UBE2W: variants seen among roughly 807,000 people sequenced by gnomAD.
UBE2W encodes the protein ubiquitin-conjugating enzyme E2 W.
UBE2W carries 18 observed loss-of-function variants against 27.2 expected under a neutral mutation model. The observed-to-expected ratio is 0.66, with a 90% CI of 0.46 to 0.98. The LOEUF (loss-of-function observed/expected upper bound fraction) is 0.98, where lower values mean the gene tolerates loss of function less well. Among genes scored for constraint, UBE2W ranks in the 50% least tolerant of loss-of-function variants. UBE2W has a pLI of 0.00. For missense variants in UBE2W, 90 were observed against 180.2 expected, an observed-to-expected ratio of 0.50 and a Z score of 2.87; for synonymous variants, 53 against 57.2, an observed-to-expected ratio of 0.93 and a Z score of 0.33.
rs368357928 is a variant in UBE2W at position 73,792,603 on chromosome 8, C to A, written c.*1499G>T. Reference sequence around the variant, plus strand: ...TTTCAGTTTTAAGCCCAAATTGATTCATATATTCACTGCAGGATATTTCAA... The same window carrying A: ...TTTCAGTTTTAAGCCCAAATTGATTAATATATTCACTGCAGGATATTTCAA... On this transcript the variant is annotated 3_prime_UTR_variant, in exon 6 of 6. Coordinates refer to ENST00000602593, the MANE Select transcript of UBE2W (RefSeq NM_018299.6). The A allele has an allele frequency of 1.0e-6, 1 of 985,634 alleles. No homozygotes were observed. Among genetic ancestry groups the A allele is most frequent in the South Asian group, 4.7e-5 (1 of 21,288 alleles). 61.1% of individuals were successfully genotyped at this position (985,634 alleles called of 1,614,324 possible).
intron 5 of UBE2W, chr8:73,795,728 AAAAT>A: frequency 1.1e-6 from 1 of 922,140 alleles, no homozygotes; most frequent in Non-Finnish European, 1.3e-6. Context: ...TAGACGCCTT[AAAAT>A]AAATAAGAAT....
chr8:73,823,847 A>G lies in UBE2W; in HGVS notation c.210+1300T>C, dbSNP rs140222257. Among the ~76,000 whole-genome samples the G allele has an allele frequency of 2.0e-5, 3 of 152,346 alleles. No individual in the cohort carries two copies. The East Asian group carries it at 5.8e-4, about 29-fold the overall frequency. ...ATTATCTCTTTACTTATAGCATGAT[A>G]CAATAACTGACTTTATCTCTTCTCT... On this transcript the variant is annotated intron_variant, in intron 3 of 5. Coordinates refer to ENST00000602593, the MANE Select transcript of UBE2W (RefSeq NM_018299.6).
intron 3 of UBE2W, among the ~76,000 whole-genome samples, chr8:73,817,670 A>C (rs1198897779): frequency 6.6e-6 from 1 of 152,116 alleles, no homozygotes; most frequent in Non-Finnish European, 1.5e-5. Flanking sequence ...GGTGCACACC[A>C]CCATGCCCAG....
chr8:73,792,868 A>C lies in UBE2W; in HGVS notation c.*1234T>G. On this transcript the variant is annotated 3_prime_UTR_variant, in exon 6 of 6. Transcript: ENST00000602593. ...AACAACAAAACAAAACCCTCCAGGA[A>C]AAACTATATGGCTGTGTGAGACAAA... 1 of 985,722 alleles carries C rather than the reference A, an allele frequency of 1.0e-6. No homozygotes were observed. The allele number at this position is 985,722 out of a possible 1,614,324, so 61.1% of individuals were successfully genotyped here.
intron 1 of UBE2W, among the ~76,000 whole-genome samples, chr8:73,839,282 A>G (rs1221484101): frequency 6.6e-6 from 1 of 151,706 alleles, no homozygotes; most frequent in Admixed American, 6.6e-5. Context: ...GAATACTACT[A>G]CATCAAATGA....
downstream of UBE2W, among the ~76,000 whole-genome samples, chr8:73,782,815 G>C (rs551444000): frequency 9.2e-5 from 14 of 152,262 alleles, no homozygotes; most frequent in African/African-American, 3.1e-4. Context: ...TTGTATAGTA[G>C]GTATGTGCAT....
rs1200110879 is a variant in UBE2W, at chr8:73,834,865, C to T, written c.16-4393G>A. On this transcript the variant is annotated intron_variant, in intron 1 of 5. Transcript: ENST00000602593. ...CGGAGGTTGCAGTGAGCCTAGATCA[C>T]GCGAATGCACTGCAGCCTGGGCTAT... Among the ~76,000 whole-genome samples the T allele has an allele frequency of 2.6e-5, 4 of 152,042 alleles. No individual in the cohort carries two copies. The East Asian group carries it at 7.7e-4, about 29-fold the overall frequency.
intron 2 of UBE2W, among the ~76,000 whole-genome samples, chr8:73,827,290 C>T (rs954655906): frequency 7.9e-5 from 12 of 151,814 alleles, no homozygotes; most frequent in African/African-American, 2.4e-4. Flanking sequence ...CTCGGCTCAC[C>T]GCAACCTCCG....
chr8:73,868,586 C>T (rs753746152), intron 1 of UBE2W, among the ~76,000 whole-genome samples: 7 of 151,868 alleles, frequency 4.6e-5, no homozygotes, highest in Non-Finnish European at 8.8e-5. Context: ...TGGGAACCTA[C>T]AACTTGTGAC....
rs59095956 is a variant in UBE2W at position 73,858,979 on chromosome 8, C to CGTGTGTGT, written c.15+19821_15+19828dup. On this transcript the variant is annotated intron_variant, in intron 1 of 5. Coordinates refer to ENST00000602593, the MANE Select transcript of UBE2W (RefSeq NM_018299.6). ...TTTCTTCAAGCACAGGGGGTTTTTG[C>CGTGTGTGT]GTGTGTGTGTGTGTGTGTGTGTGTG... Among the ~76,000 whole-genome samples the CGTGTGTGT allele has an allele frequency of 5.8e-4, 73 of 126,022 alleles. 1 individual carries two copies. Among genetic ancestry groups the CGTGTGTGT allele is most frequent in the African/African-American group, 1.5e-3 (49 of 33,672 alleles). The allele number at this position is 126,022 out of a possible 152,430, so 82.7% of individuals were successfully genotyped here.
rs1394585873 is a variant in UBE2W at position 73,793,212 on chromosome 8, G to T, written c.*890C>A. 2.0e-6 allele frequency: 2 copies of T among 985,720 alleles called. No homozygotes were observed. Among genetic ancestry groups the T allele is most frequent in the African/African-American group, 1.7e-5 (1 of 57,240 alleles). The allele number at this position is 985,720 out of a possible 1,614,324, so 61.1% of individuals were successfully genotyped here. A position where few individuals can be genotyped will look rare whatever the true frequency, so the allele number is the denominator to read the frequency against. On this transcript the variant is annotated 3_prime_UTR_variant, in exon 6 of 6. Transcript: ENST00000602593. ...GGCTCATGCTGATGGCTAGCAGGAA[G>T]TTAACAGAGTGTAACTTACTTGGAA...
At chr8:73,832,075 A>C (rs1054466148) in intron 1 of UBE2W, 4 of 151,068 alleles carry the variant, frequency 2.6e-5, no homozygotes, top group African/African-American at 9.8e-5. Flanking sequence ...GTTTGAGACC[A>C]GCTTGGGTAA....
At chr8:73,865,024 A>G (rs1156541314) in intron 1 of UBE2W, among the ~76,000 whole-genome samples, 1 of 152,084 alleles carries the variant, frequency 6.6e-6, no homozygotes, top group Non-Finnish European at 1.5e-5. Context: ...GGAACACTAG[A>G]CAGCACATAA....
Position 73,825,204 on chromosome 8 carries a change from C to T in UBE2W, c.153G>A (p.Gly51=). The T allele has an allele frequency of 6.4e-7, 1 of 1,563,746 alleles. No homozygotes were observed. Among genetic ancestry groups the T allele is most frequent in the Non-Finnish European group, 8.7e-7 (1 of 1,152,626 alleles). ...ATTTAAATAGAAGTTGAAATTTTTC[C>T]CCTTCATATAAGGTACCTGGTGCAC... is the stretch of plus-strand genomic sequence containing the variant. ...MEGAPGTLYE[G]EKFQLLFKFS... is the part of the protein sequence containing the mutation. Residue 51 remains glycine (G), a synonymous_variant, in exon 3 of 6, where the codon GGG becomes GGA. Transcript: ENST00000602593.
At chr8:73,859,588 A>G (rs1296452015) in intron 1 of UBE2W, among the ~76,000 whole-genome samples, 1 of 152,200 alleles carries the variant, frequency 6.6e-6, no homozygotes, top group Non-Finnish European at 1.5e-5. Context: ...TATAATACAT[A>G]TATCACACAA....
intron 1 of UBE2W, among the ~76,000 whole-genome samples, chr8:73,847,758 C>T (rs940734100): frequency 4.0e-5 from 6 of 151,586 alleles, no homozygotes; most frequent in African/African-American, 1.2e-4. Flanking sequence ...AAAAATTAGC[C>T]GGGCATGGTG....
In UBE2W at chr8:73,791,273, A is replaced by C; in HGVS notation, c.*2829T>G. The C allele has an allele frequency of 1.0e-6, 1 of 984,938 alleles. No individual in the cohort carries two copies. Among genetic ancestry groups the C allele is most frequent in the Non-Finnish European group, 1.2e-6 (1 of 829,628 alleles). The allele number at this position is 984,938 out of a possible 1,614,324, so 61.0% of individuals were successfully genotyped here. A position where few individuals can be genotyped will look rare whatever the true frequency, so the allele number is the denominator to read the frequency against. On this transcript the variant is annotated 3_prime_UTR_variant, in exon 6 of 6. Coordinates refer to ENST00000602593, the MANE Select transcript of UBE2W (RefSeq NM_018299.6). The stretch of plus-strand genomic sequence containing the variant: ...TAATCCCTACTTGACCAAAGAAAAA[A>C]AAAAAAAAGAAGGGCATCATGTTCA...
rs116934755 is a variant in UBE2W, at chr8:73,830,540, C to A, written c.16-68G>T. 3,108 of 1,256,558 alleles carry A rather than the reference C, an allele frequency of 2.5e-3. 19 individuals carry two copies. Among genetic ancestry groups the A allele is most frequent in the Non-Finnish European group, 1.8e-3 (1,539 of 858,212 alleles). 77.8% of individuals were successfully genotyped at this position (1,256,558 alleles called of 1,614,324 possible). ...GGTCTGGGTCACCCAGGTTGGAGTA[C>A]AGTGGTGTGATCACAGCTCACCACA... On this transcript the variant is annotated intron_variant, in intron 1 of 5. Transcript: ENST00000602593.
chr8:73,837,412 C>T (rs1485775977), intron 1 of UBE2W, among the ~76,000 whole-genome samples: 2 of 151,952 alleles, frequency 1.3e-5, no homozygotes, highest in African/African-American at 2.4e-5. Context: ...ACTCAGGAGG[C>T]TGAGGCAGGA....
Sources: allele counts gnomAD v4.1 joint callset (sites outside exome capture counted in the v4.1 genomes callset), GRCh38; gene constraint gnomAD v4.1.1; transcripts MANE v1.5; gene names NCBI Gene and HGNC (gene_info 2026-07-23, HGNC 2026-07-21).